PCNT: variants seen among roughly 807,000 people sequenced by gnomAD.
PCNT encodes kendrin.
In PCNT, 319 loss-of-function variants were observed where a neutral mutation model predicts 380.4. The observed-to-expected ratio is 0.84, with a 90% confidence interval of 0.77 to 0.92. The LOEUF is 0.92. PCNT is among the 40% of genes least tolerant of loss of function. The pLI is 0.00. For missense variants in PCNT, 4,400 were observed against 4,255.3 expected, an observed-to-expected ratio of 1.03 and a Z score of -0.95; for synonymous variants, 1,845 against 1,735.2, an observed-to-expected ratio of 1.06 and a Z score of -1.57.
chr21:46,397,755 G>GGCTGGGCCTGTGCTGGGCCTGT (rs57503743), intron 22 of PCNT, among the ~76,000 whole-genome samples: 2 of 152,014 alleles, frequency 1.3e-5, no homozygotes, highest in Non-Finnish European at 2.9e-5. Flanking sequence ...TTGGGGCCCG[G>GGCTGGGCCTGTGCTGGGCCTGT]GCTGGGCCTG....
Position 46,401,707 on chromosome 21 carries a change from C to A in PCNT, c.4948C>A (p.Arg1650=). The part of the protein sequence containing the change: ...QLEVTQRALL[R]RESEVLDLKE... ...AGAGGTGACACAGAGAGCACTCCTG[C>A]GGCGCGAGAGCGAGGTGAGTGCAGA... Residue 1650 remains arginine, a synonymous_variant, in exon 26 of 47, where the codon CGG becomes AGG. Transcript: ENST00000359568. 1 of 1,614,008 alleles carries A rather than the reference C, an allele frequency of 6.2e-7. No homozygotes were observed. The highest frequency in any genetic ancestry group is 8.5e-7 in the Non-Finnish European group (1 of 1,179,996).
chr21:46,445,186 A>G (rs946466665), intron 46 of PCNT, 98 bp from the exon 47 acceptor site: 16 of 857,756 alleles, frequency 1.9e-5, no homozygotes, highest in African/African-American at 1.0e-4. Flanking sequence ...CAAAATTTAC[A>G]TGAATTCAGT....
Position 46,430,506 on chromosome 21 carries a change from G to C in PCNT, c.7914-1G>C. The C allele has an allele frequency of 6.4e-7, 1 of 1,551,088 alleles. No individual in the cohort carries two copies. Among genetic ancestry groups the C allele is most frequent in the Admixed American group, 2.0e-5 (1 of 51,144 alleles). On this transcript the variant is annotated splice_acceptor_variant, in intron 36 of 46. Coordinates refer to ENST00000359568, the MANE Select transcript of PCNT (RefSeq NM_006031.6). LOFTEE classifies it high-confidence loss of function. ...GATTGTTCTGCGATGTCTCCACGCA[G>C]ATCCATGCTGAGCAGTAAGGAGAAC...
At position 46,445,421 on chromosome 21, in the gene PCNT, A is replaced by T. The variant is rs1460588476; in HGVS notation, c.*94A>T. 3 of 954,744 alleles carry T rather than the reference A, an allele frequency of 3.1e-6. No homozygotes were observed. The highest frequency in any genetic ancestry group is 5.2e-6 in the Non-Finnish European group (3 of 577,574). 59.1% of individuals were successfully genotyped at this position (954,744 alleles called of 1,614,324 possible). A position where few individuals can be genotyped will look rare whatever the true frequency, so the allele number is the denominator to read the frequency against. On this transcript the variant is annotated 3_prime_UTR_variant, in exon 47 of 47. Coordinates refer to ENST00000359568, the MANE Select transcript of PCNT (RefSeq NM_006031.6). ...AGGAAGCTCGTGGGACAGCATGGGC[A>T]CTACTCTTCATGTGCGGTGACACCA...
intron 35 of PCNT, among the ~76,000 whole-genome samples, chr21:46,429,229 A>G (rs1208520551): frequency 6.7e-6 from 1 of 150,324 alleles, no homozygotes; most frequent in African/African-American, 2.4e-5. Context: ...GGCGCTGTGC[A>G]CATGCTCGTG....
intron 23 of PCNT, 49 bp downstream of exon 23, chr21:46,398,179 T>C: frequency 6.2e-7 from 1 of 1,607,012 alleles, no homozygotes; most frequent in South Asian, 1.1e-5. Flanking sequence ...TTTCACTGTG[T>C]TTTTAAGCTT....
At position 46,426,822 on chromosome 21, in the gene PCNT, C is replaced by T. The variant is rs755714554; in HGVS notation, c.7321-800C>T. Among the ~76,000 whole-genome samples the T allele has an allele frequency of 5.4e-4, 82 of 152,224 alleles. 1 individual carries two copies. The highest frequency in any genetic ancestry group is 3.5e-4 in the Non-Finnish European group (24 of 68,040). ...CTCCCATCACGCTCCCTCCCATCTCCGTGCCCACCCTGTCCTGCCCCTGTG... is the reference window on the plus strand; with the variant it reads ...CTCCCATCACGCTCCCTCCCATCTCTGTGCCCACCCTGTCCTGCCCCTGTG... On this transcript the variant is annotated intron_variant, in intron 33 of 46. Transcript: ENST00000359568.
rs745747850 is a variant in PCNT at position 46,445,484 on chromosome 21, T to C, written c.*157T>C. 111 of 708,394 alleles carry C rather than the reference T, an allele frequency of 1.6e-4. 1 individual carries two copies. The highest frequency in any genetic ancestry group is 1.0e-3 in the Admixed American group (48 of 46,584). The allele number at this position is 708,394 out of a possible 1,614,324, so 43.9% of individuals were successfully genotyped here. A position where few individuals can be genotyped will look rare whatever the true frequency, so the allele number is the denominator to read the frequency against. On this transcript the variant is annotated 3_prime_UTR_variant, in exon 47 of 47. Transcript: ENST00000359568. ...CTTGAATTAAGTGTCCTCACCTTTA[T>C]GCATGACTGCAAAGCCAGCTGGAGC...
rs141276542 is a variant in PCNT at position 46,399,780 on chromosome 21, T to G, written c.4775T>G (p.Val1592Gly). 1.4e-4 allele frequency: 222 copies of G among 1,613,802 alleles called. No homozygotes were observed. Among genetic ancestry groups the G allele is most frequent in the Non-Finnish European group, 1.7e-4 (201 of 1,179,918 alleles). ...QEEVEKQKNI[V>G]KGLEQDKEVL... ...GAAGTGGAAAAACAGAAAAACATCG[T>G]GAAAGGGCTGGAACAGGTAAAGCGT... The change falls in exon 25 of 47, where the codon GTG becomes GGG. Residue 1592 changes from valine to glycine, a missense_variant. Val to Gly is a moderately radical substitution (Grantham distance 109). Coordinates refer to ENST00000359568, the MANE Select transcript of PCNT (RefSeq NM_006031.6).
Position 46,334,385 on chromosome 21 carries a change from TCC to T in PCNT, c.268-9_268-8del. 1 of 1,614,084 alleles carries T rather than the reference TCC, an allele frequency of 6.2e-7. No homozygotes were observed. Among genetic ancestry groups the T allele is most frequent in the South Asian group, 1.1e-5 (1 of 91,076 alleles). ...TGCTTTAAATGCTTCTTTCTGGTCC[TCC>T]CCTTCTTAGCCGGAGGACTGTGATG... On this transcript the variant is annotated splice_polypyrimidine_tract_variant and intron_variant, in intron 2 of 46. Transcript: ENST00000359568.
chr21:46,357,497 A>G (rs1168113996), intron 13 of PCNT, among the ~76,000 whole-genome samples: 1 of 152,210 alleles, frequency 6.6e-6, no homozygotes, highest in Non-Finnish European at 1.5e-5. Context: ...GCTGGAGTGC[A>G]GTGGCATGGT....
Position 46,398,097 on chromosome 21 carries a change from C to G in PCNT, c.4530C>G (p.Ala1510=), listed in dbSNP as rs1283220749. The change falls in exon 23 of 47, where the codon GCC becomes GCG. Residue 1510 remains alanine (A), a synonymous_variant. Coordinates refer to ENST00000359568, the MANE Select transcript of PCNT (RefSeq NM_006031.6). ...QRLEGQLRQA[A]KPQPWGPRDS... is the part of the protein sequence containing the mutation. ...TGGAGGGGCAGCTCCGCCAGGCGGC[C>G]AAGCCGCAGCCCTGGGGCCCTCGCG... 5 of 1,600,216 alleles carry G rather than the reference C, an allele frequency of 3.1e-6. No homozygotes were observed. The African/African-American group carries it at 6.7e-5, about 21-fold the overall frequency.
chr21:46,435,846 G>C, intron 38 of PCNT, 58 bp from the exon 39 acceptor site: 2 of 1,611,312 alleles, frequency 1.2e-6, no homozygotes, highest in African/African-American at 1.3e-5. Context: ...CCGGCCGGCA[G>C]TTTTGTTTTT....
rs141635334 is a variant in PCNT, at chr21:46,416,679, G to T, written c.6761G>T (p.Cys2254Phe). ...VTPHSGALSL[C>F]SADTSLGDRA... ...CCCCACTCAGGAGCCCTGAGCCTGT[G>T]CAGTGCCGACACATCCCTGGGGGAC... is the stretch of plus-strand genomic sequence containing the variant. The change falls in exon 30 of 47, where the codon TGC becomes TTC. Residue 2254 changes from cysteine (C) to phenylalanine (F), a missense_variant. Coordinates refer to ENST00000359568, the MANE Select transcript of PCNT (RefSeq NM_006031.6). 8 of 1,565,204 alleles carry T rather than the reference G, an allele frequency of 5.1e-6. No homozygotes were observed. The highest frequency in any genetic ancestry group is 1.4e-5 in the African/African-American group (1 of 73,754).
chr21:46,397,223 G>A (rs764951807), intron 21 of PCNT, 42 bp from the exon 22 acceptor site: 1 of 1,497,778 alleles, frequency 6.7e-7, no homozygotes, highest in South Asian at 1.1e-5. Context: ...CAGCCTCTGA[G>A]GTGCGGGGGT....
chr21:46,393,543 C>T (rs769804527), intron 21 of PCNT, among the ~76,000 whole-genome samples: 3 of 152,152 alleles, frequency 2.0e-5, no homozygotes, highest in Non-Finnish European at 4.4e-5. Flanking sequence ...GGCCACACCC[C>T]GCCGGGGGAG....
rs1277719081 is a variant in PCNT, at chr21:46,402,498, G to A, written c.5115+15G>A. On this transcript the variant is annotated intron_variant, in intron 27 of 46. Coordinates refer to ENST00000359568, the MANE Select transcript of PCNT (RefSeq NM_006031.6). ...CGAGCTTGAAGGTAAGCTACCAAAG[G>A]TCCACGTGACGCCCGAGTTCATGTT... 6.2e-7 allele frequency: 1 copy of A among 1,613,602 alleles called. No individual in the cohort carries two copies. The highest frequency in any genetic ancestry group is 8.5e-7 in the Non-Finnish European group (1 of 1,179,752).
In PCNT at chr21:46,357,334, C is replaced by T. The variant is rs957005244; in HGVS notation, c.2154+143C>T. ...GGCACATTTGTAAGGGCGACAGTCC[C>T]GTAAATTCTTGAAACTATTCCTGGC... On this transcript the variant is annotated intron_variant, in intron 13 of 46. Coordinates refer to ENST00000359568, the MANE Select transcript of PCNT (RefSeq NM_006031.6). 1.1e-5 allele frequency: 8 copies of T among 716,064 alleles called. 1 individual carries two copies. Among genetic ancestry groups the T allele is most frequent in the Admixed American group, 8.0e-5 (4 of 49,974 alleles). The allele number at this position is 716,064 out of a possible 1,614,324, so 44.4% of individuals were successfully genotyped here.
At chr21:46,326,039 AACTT>A (rs2083385119) in intron 1 of PCNT, among the ~76,000 whole-genome samples, 1 of 152,224 alleles carries the variant, frequency 6.6e-6, no homozygotes, top group African/African-American at 2.4e-5. Context: ...ATCATTTTAA[AACTT>A]AAATATGCCT....
Sources: gnomAD v4.1 joint callset for allele counts (sites outside exome capture counted in the v4.1 genomes callset) on GRCh38, gnomAD v4.1.1 for gene constraint, MANE v1.5 for transcripts, NCBI Gene and HGNC (gene_info 2026-07-23, HGNC 2026-07-21) for gene names.